Variants in PLEKHA5 observed in about 807,000 individuals in gnomAD.
The protein encoded by PLEKHA5 is pleckstrin homology domain-containing family A member 5.
PLEKHA5 carries 55 observed loss-of-function variants against 181.9 expected under a neutral mutation model. The observed-to-expected ratio is 0.30, with a 90% CI of 0.24 to 0.38. The LOEUF is 0.38. Ranked by LOEUF, PLEKHA5 falls within the 10% of genes least tolerant of loss-of-function variation. The pLI is 1.00. For synonymous variants in PLEKHA5, 535 were observed against 529.4 expected (o/e 1.01, Z -0.15); for missense variants, 1,432 against 1,549.5 (o/e 0.92, Z 1.27).
At chr12:19,205,014 A>C (rs921793363) in intron 3 of PLEKHA5, among the ~76,000 whole-genome samples, 1 of 152,142 alleles carries the variant, frequency 6.6e-6, no homozygotes, top group Non-Finnish European at 1.5e-5. Context: ...ATGTTGACAT[A>C]GTTAATTCTA....
At chr12:19,334,609 T>G (rs2093173495) in intron 20 of PLEKHA5, among the ~76,000 whole-genome samples, 1 of 151,778 alleles carries the variant, frequency 6.6e-6, no homozygotes, top group African/African-American at 2.4e-5. Context: ...TTTGCAGTTT[T>G]TGTGGTGCAC....
At chr12:19,365,587 C>G (rs2095402490) in intron 29 of PLEKHA5, among the ~76,000 whole-genome samples, 1 of 152,012 alleles carries the variant, frequency 6.6e-6, no homozygotes, top group South Asian at 2.1e-4. Flanking sequence ...GATTCTAATT[C>G]TAAAATGACA....
chr12:19,310,039 CTATT>C (rs1166844802), intron 15 of PLEKHA5, among the ~76,000 whole-genome samples: 4 of 152,090 alleles, frequency 2.6e-5, no homozygotes, highest in Non-Finnish European at 5.9e-5. Flanking sequence ...ATTTTCATTC[CTATT>C]ATTATGAAAT....
At chr12:19,204,839 G>T (rs1034972774) in intron 3 of PLEKHA5, among the ~76,000 whole-genome samples, 29 of 152,074 alleles carry the variant, frequency 1.9e-4, no homozygotes, top group African/African-American at 6.3e-4. Flanking sequence ...ATAGTTTTCA[G>T]ATTGTTTTAC....
chr12:19,358,148 C>T (rs1278104128), intron 26 of PLEKHA5, 80 bp from the exon 27 acceptor site: 3 of 909,222 alleles, frequency 3.3e-6, no homozygotes, highest in South Asian at 1.6e-5. Context: ...TAAATAAATG[C>T]ACTTTACAAC....
intron 31 of PLEKHA5, among the ~76,000 whole-genome samples, chr12:19,375,253 C>T (rs574684065): frequency 3.3e-5 from 5 of 151,702 alleles, no homozygotes; most frequent in Admixed American, 1.3e-4. Flanking sequence ...GAACCCAGGA[C>T]GCAGAGGTTG....
intron 3 of PLEKHA5, among the ~76,000 whole-genome samples, chr12:19,209,466 A>C (rs2056455149): frequency 6.6e-6 from 1 of 152,200 alleles, no homozygotes; most frequent in Non-Finnish European, 1.5e-5. Context: ...CGCTTGATTG[A>C]TTCAGTATAC....
intron 15 of PLEKHA5, among the ~76,000 whole-genome samples, chr12:19,300,895 G>A (rs553703803): frequency 1.3e-5 from 2 of 151,426 alleles, no homozygotes; most frequent in Non-Finnish European, 2.9e-5. Flanking sequence ...AGCACTTTGG[G>A]AGGCCGAGGT....
At chr12:19,353,145 T>G (rs1470002895) in intron 25 of PLEKHA5, among the ~76,000 whole-genome samples, 1 of 151,528 alleles carries the variant, frequency 6.6e-6, no homozygotes, top group Non-Finnish European at 1.5e-5. Context: ...TCTTTTATTT[T>G]TATTTATTTA....
chr12:19,374,573 C>A (rs1048257184), intron 31 of PLEKHA5, among the ~76,000 whole-genome samples: 1 of 151,532 alleles, frequency 6.6e-6, no homozygotes, highest in Non-Finnish European at 1.5e-5. Context: ...GCAGGAAAAT[C>A]ACTTGAACCC....
chr12:19,337,758 C>A (rs1190829835), intron 21 of PLEKHA5, among the ~76,000 whole-genome samples: 3 of 151,958 alleles, frequency 2.0e-5, no homozygotes, highest in African/African-American at 7.2e-5. Flanking sequence ...ACCAACCAGC[C>A]TGACCAACAT....
chr12:19,367,652 T>C (rs1192353264), intron 30 of PLEKHA5, among the ~76,000 whole-genome samples: 1 of 151,926 alleles, frequency 6.6e-6, no homozygotes, highest in Non-Finnish European at 1.5e-5. Context: ...CGATCTCCAC[T>C]CACTGCAAGC....
At chr12:19,211,452 T>G (rs1351372793) in intron 3 of PLEKHA5, among the ~76,000 whole-genome samples, 3 of 151,974 alleles carry the variant, frequency 2.0e-5, no homozygotes, top group Non-Finnish European at 4.4e-5. Context: ...GAGGCAGAGA[T>G]GGAGTGATGG....
intron 3 of PLEKHA5, chr12:19,151,217 C>T (rs761681163): frequency 2.0e-5 from 3 of 152,108 alleles, no homozygotes; most frequent in Non-Finnish European, 4.4e-5. Context: ...TGAGGTAATG[C>T]TTTGAAAAGA....
intron 11 of PLEKHA5, among the ~76,000 whole-genome samples, chr12:19,279,898 G>T (rs2075626491): frequency 1.3e-5 from 2 of 151,812 alleles, no homozygotes; most frequent in African/African-American, 2.4e-5. Context: ...CAAAGAGAAG[G>T]TATATTTAAC....
At chr12:19,366,611 C>G (rs569782125) in intron 30 of PLEKHA5, among the ~76,000 whole-genome samples, 1 of 152,080 alleles carries the variant, frequency 6.6e-6, no homozygotes, top group Non-Finnish European at 1.5e-5. Context: ...CGAGATCGTG[C>G]CACTGCACTC....
chr12:19,337,164 A>T (rs967785754), intron 21 of PLEKHA5, among the ~76,000 whole-genome samples: 2 of 151,802 alleles, frequency 1.3e-5, no homozygotes, highest in African/African-American at 4.8e-5. Context: ...GAATAGGGGA[A>T]GATACAGCAC....
chr12:19,194,791 C>A (rs113957392), intron 3 of PLEKHA5, among the ~76,000 whole-genome samples: 13 of 152,138 alleles, frequency 8.5e-5, no homozygotes, highest in African/African-American at 2.4e-5. Context: ...AATTGGAAAT[C>A]TCAGATGAAA....
At chr12:19,365,420 A>C (rs2095397168) in intron 29 of PLEKHA5, among the ~76,000 whole-genome samples, 1 of 151,914 alleles carries the variant, frequency 6.6e-6, no homozygotes, top group African/African-American at 2.4e-5. Flanking sequence ...GGATACAATC[A>C]TCAGAATCCA....
Sources: gnomAD v4.1 joint callset for allele counts (sites outside exome capture counted in the v4.1 genomes callset) on GRCh38, gnomAD v4.1.1 for gene constraint, MANE v1.5 for transcripts, NCBI Gene and HGNC (gene_info 2026-07-23, HGNC 2026-07-21) for gene names.